Variants in ZCCHC8 observed in about 807,000 individuals in gnomAD.
The protein encoded by ZCCHC8 is zinc finger CCHC domain-containing protein 8.
A neutral mutation model predicts 70.6 loss-of-function variants in ZCCHC8; 27 were observed. The observed-to-expected ratio is 0.38, with a 90% confidence interval of 0.28 to 0.53. The LOEUF (loss-of-function observed/expected upper bound fraction) is 0.53, where lower values mean the gene tolerates loss of function less well. ZCCHC8 is among the 20% of genes least tolerant of loss of function. The pLI, the probability that ZCCHC8 is intolerant of heterozygous loss-of-function variation, is 0.81. For synonymous variants in ZCCHC8, 293 were observed against 317.4 expected (o/e 0.92, Z 0.82); for missense variants, 737 against 876.9 (o/e 0.84, Z 2.01).
At chr12:122,475,933 C>A (rs1327881972) in intron 13 of ZCCHC8, among the ~76,000 whole-genome samples, 1 of 152,238 alleles carries the variant, frequency 6.6e-6, no homozygotes, top group African/African-American at 2.4e-5. Flanking sequence ...TATCCTGCAT[C>A]TGCACTTCCC....
intron 11 of ZCCHC8, among the ~76,000 whole-genome samples, chr12:122,479,852 G>A (rs1957495952): frequency 6.6e-6 from 1 of 152,180 alleles, no homozygotes; most frequent in Non-Finnish European, 1.5e-5. Context: ...AGGTGTATAT[G>A]AATTAACTAA....
intron 11 of ZCCHC8, 151 bp downstream of exon 11, chr12:122,480,039 G>A: frequency 1.5e-6 from 1 of 666,034 alleles, no homozygotes; most frequent in Non-Finnish European, 2.4e-6. Flanking sequence ...CTCGAACTCT[G>A]GGACTCAAGT....
At chr12:122,478,512 A>G in intron 11 of ZCCHC8, 1 of 471,974 alleles carries the variant, frequency 2.1e-6, no homozygotes, top group Non-Finnish European at 3.8e-6. Flanking sequence ...ACCTGACACA[A>G]TCACTTGGCC....
intron 13 of ZCCHC8, among the ~76,000 whole-genome samples, chr12:122,476,095 A>AAT (rs1957412139): frequency 6.6e-6 from 1 of 152,250 alleles, no homozygotes; most frequent in Admixed American, 6.5e-5. Flanking sequence ...CTGTGGCAGC[A>AAT]ATATGTAATA....
Position 122,492,762 on chromosome 12 carries a change from T to A in ZCCHC8, c.270A>T (p.Leu90Phe). The A allele has an allele frequency of 6.5e-7, 1 of 1,548,658 alleles. No individual in the cohort carries two copies. The highest frequency in any genetic ancestry group is 8.8e-7 in the Non-Finnish European group (1 of 1,141,760). Reference protein sequence around the residue: ...PSGILVNDTKLDGPILQILFM... With the variant: ...PSGILVNDTKFDGPILQILFM... The stretch of plus-strand genomic sequence containing the variant: ...ATAGAATCTGTAATATAGGTCCATC[T>A]AACTTAGTATCGTTCACCAATATTC... The change falls in exon 3 of 14, where the codon TTA becomes TTT. Residue 90 changes from leucine to phenylalanine, a missense_variant. Coordinates refer to ENST00000633063, the MANE Select transcript of ZCCHC8 (RefSeq NM_017612.5).
At chr12:122,488,362 T>C (rs1262506768) in intron 5 of ZCCHC8, among the ~76,000 whole-genome samples, 1 of 151,926 alleles carries the variant, frequency 6.6e-6, no homozygotes, top group Non-Finnish European at 1.5e-5. Flanking sequence ...GAATTTTTCA[T>C]AGAGATGAGT....
At chr12:122,498,526 G>A (rs1957865641) in intron 2 of ZCCHC8, among the ~76,000 whole-genome samples, 2 of 152,036 alleles carry the variant, frequency 1.3e-5, no homozygotes, top group African/African-American at 4.8e-5. Context: ...TTCTAGAAAT[G>A]TTTGTTAAAT....
chr12:122,481,687 G>A (rs1957538967), intron 9 of ZCCHC8, 23 bp from the exon 10 acceptor site: 4 of 1,603,286 alleles, frequency 2.5e-6, no homozygotes, highest in Admixed American at 3.4e-5. Flanking sequence ...AAAGGAGGAA[G>A]AAAAATACTG....
At chr12:122,479,876 C>T (rs1957496331) in intron 11 of ZCCHC8, among the ~76,000 whole-genome samples, 1 of 152,168 alleles carries the variant, frequency 6.6e-6, no homozygotes, top group African/African-American at 2.4e-5. Flanking sequence ...TTTTTTGAGA[C>T]AGGGTCTAGT....
chr12:122,496,172 A>T (rs200968011), intron 2 of ZCCHC8, among the ~76,000 whole-genome samples: 2 of 5,414 alleles, frequency 3.7e-4, no homozygotes, highest in African/African-American at 7.1e-4. Flanking sequence ...GTCTCAAAAA[A>T]TTTAAAAAAA....
chr12:122,478,324 A>C (rs945483424), intron 11 of ZCCHC8, 32 bp from the exon 12 acceptor site: 2 of 1,406,186 alleles, frequency 1.4e-6, no homozygotes, highest in Non-Finnish European at 2.0e-6. Context: ...AAAAAAAAAC[A>C]CATGTATTTG....
intron 13 of ZCCHC8, among the ~76,000 whole-genome samples, chr12:122,474,609 A>G (rs1203638491): frequency 6.6e-6 from 1 of 152,128 alleles, no homozygotes; most frequent in African/African-American, 2.4e-5. Context: ...CTCTACCCAA[A>G]AATTTGTGGC....
intron 2 of ZCCHC8, among the ~76,000 whole-genome samples, chr12:122,494,934 T>G (rs207473445): frequency 1.3e-5 from 2 of 152,208 alleles, no homozygotes; most frequent in African/African-American, 4.8e-5. Flanking sequence ...GCTATAAATA[T>G]ACTCAGTTGG....
chr12:122,500,771 G>T lies in ZCCHC8; in HGVS notation c.70C>A (p.Pro24Thr), dbSNP rs1160667005. ...TTGAAGCGAGTGTGAACGGGCTTCG[G>T]AATCGACTCCTCTGGGTGGTCGAAC... ...EPFDHPEESI[P>T]KPVHTRFKDD... The change falls in exon 1 of 14, where the codon CCG becomes ACG. Residue 24 changes from proline (P) to threonine (T), a missense_variant. Transcript: ENST00000633063. The surrounding 1 kb of genome is among the most constrained non-coding windows in gnomAD (Gnocchi z 4.8). 1 of 1,590,926 alleles carries T rather than the reference G, an allele frequency of 6.3e-7. No individual in the cohort carries two copies.
chr12:122,473,537 G>A lies in ZCCHC8; in HGVS notation c.2084C>T (p.Ser695Leu). 1.2e-6 allele frequency: 2 copies of A among 1,613,932 alleles called. No individual in the cohort carries two copies. The highest frequency in any genetic ancestry group is 1.7e-6 in the Non-Finnish European group (2 of 1,179,834). The change falls in exon 14 of 14, where the codon TCA (serine) becomes TTA (leucine). Residue 695 changes from serine (S) to leucine (L), a missense_variant. Ser to Leu is a moderately radical substitution (Grantham distance 145). Transcript: ENST00000633063. ...TTTGTTTTTCTGCTGGTTTCGGGGT[G>A]AGTTCTTTAACAAGCTTCTTATCCT... ...YLRIRSLLKN[S>L]PRNQQKNKKA...
At chr12:122,477,991 G>C in intron 12 of ZCCHC8, 33 bp from the exon 13 acceptor site, 2 of 1,515,054 alleles carry the variant, frequency 1.3e-6, no homozygotes, top group Non-Finnish European at 1.8e-6. Flanking sequence ...CACAAGTTAA[G>C]CGGGGTAGAT....
chr12:122,483,242 AG>A lies in ZCCHC8; in HGVS notation c.671+36del. Reference sequence around the variant, plus strand: ...AAAAGTTTATGATTTTGGTTAAAAAAGTAAATAAGTAAAACAAAACAACTCC... The same window carrying A: ...AAAAGTTTATGATTTTGGTTAAAAAATAAATAAGTAAAACAAAACAACTCC... On this transcript the variant is annotated intron_variant, in intron 7 of 13. Transcript: ENST00000633063. This position sits in a 1 kb window ranked among gnomAD's most constrained non-coding sequence, Gnocchi z 4.4. 6.5e-7 allele frequency: 1 copy of A among 1,548,370 alleles called. No individual in the cohort carries two copies. Among genetic ancestry groups the A allele is most frequent in the Non-Finnish European group, 8.7e-7 (1 of 1,144,534 alleles).
At position 122,500,476 on chromosome 12, in the gene ZCCHC8, C is replaced by T. The variant is rs906182118; in HGVS notation, c.199+166G>A. 3 of 951,940 alleles carry T rather than the reference C, an allele frequency of 3.2e-6. No individual in the cohort carries two copies. In the African/African-American group the frequency reaches 5.0e-5, roughly 16 times the overall value. The allele number at this position is 951,940 out of a possible 1,614,324, so 59.0% of individuals were successfully genotyped here. ...CCGAGGCAGCCTGCGCGCCCCGAAC[C>T]CTAGACTCTCGGTCCGCCGGCGGGT... On this transcript the variant is annotated intron_variant, in intron 1 of 13. Transcript: ENST00000633063. The surrounding 1 kb of genome is among the most constrained non-coding windows in gnomAD (Gnocchi z 4.8).
intron 2 of ZCCHC8, among the ~76,000 whole-genome samples, chr12:122,496,438 G>A (rs1039304229): frequency 6.6e-6 from 1 of 151,782 alleles, no homozygotes; most frequent in East Asian, 1.9e-4. Flanking sequence ...GTTTGAACTC[G>A]GATAAAAATC....
Sources: gnomAD v4.1 joint callset for allele counts (sites outside exome capture counted in the v4.1 genomes callset) on GRCh38, gnomAD v4.1.1 for gene constraint, Gnocchi (gnomAD v3.1) non-coding constraint, MANE v1.5 for transcripts, NCBI Gene and HGNC (gene_info 2026-07-23, HGNC 2026-07-21) for gene names.